PDSS2: variants seen among roughly 807,000 people sequenced by gnomAD.
The protein encoded by PDSS2 is decaprenyl diphosphate synthase subunit 2, also known as all trans-polyprenyl-diphosphate synthase PDSS2.
Under a neutral mutation model 44.5 loss-of-function variants are expected in PDSS2, and 31 were observed. The ratio of observed to expected loss-of-function variants is 0.70; its 90% CI spans 0.52 to 0.94. The LOEUF is 0.94. Ranked by LOEUF, PDSS2 falls within the 40% of genes least tolerant of loss-of-function variation. The pLI, the probability that PDSS2 is intolerant of heterozygous loss-of-function variation, is 0.00. For missense variants in PDSS2, 452 were observed against 482.2 expected (o/e 0.94, Z 0.59); for synonymous variants, 157 against 180.3 (o/e 0.87, Z 1.03).
chr6:107,217,042 C>T (rs373485405), intron 4 of PDSS2, among the ~76,000 whole-genome samples: 10 of 152,100 alleles, frequency 6.6e-5, no homozygotes, highest in African/African-American at 1.7e-4. Context: ...AGCTGCATTT[C>T]GTACTATTTA....
At chr6:107,279,754 C>CT (rs1477735917) in intron 2 of PDSS2, among the ~76,000 whole-genome samples, 2 of 152,262 alleles carry the variant, frequency 1.3e-5, no homozygotes, top group South Asian at 4.1e-4. Flanking sequence ...AGTGAAATGA[C>CT]TGGTCGTCTT....
In PDSS2 at chr6:107,230,631, C is replaced by T. The variant is rs531890024; in HGVS notation, c.702+14917G>A. The stretch of plus-strand genomic sequence containing the variant: ...CTAGGTTGGCTGGAGAGGCTCTGCT[C>T]CAAGGGTCTCTCACTCTTCCTGGAC... On this transcript the variant is annotated intron_variant, in intron 4 of 7. Transcript: ENST00000369037. Among the ~76,000 whole-genome samples the T allele has an allele frequency of 3.3e-4, 50 of 152,060 alleles. No individual in the cohort carries two copies. In the South Asian group the frequency reaches 1.0e-2, roughly 30 times the overall value.
rs372585824 is a variant in PDSS2 at position 107,154,752 on chromosome 6, T to G, written c.1067A>C (p.Lys356Thr). The change falls in exon 8 of 8, where the codon AAA (lysine) becomes ACA (threonine). Residue 356 changes from lysine to threonine, a missense_variant. Lys to Thr is a moderately conservative substitution (Grantham distance 78, BLOSUM62 -1). Coordinates refer to ENST00000369037, the MANE Select transcript of PDSS2 (RefSeq NM_020381.4). Reference sequence around the variant, plus strand: ...CAGGTCAATAGCTGAAGTCACACCTTTGCCAGCTTTGATTCTTTCTCGCAA... The same window carrying G: ...CAGGTCAATAGCTGAAGTCACACCTGTGCCAGCTTTGATTCTTTCTCGCAA... ...AKLRERIKAG[K>T]GVTSAIDLCR... 1.2e-5 allele frequency: 19 copies of G among 1,614,084 alleles called. No individual in the cohort carries two copies. The highest frequency in any genetic ancestry group is 1.5e-5 in the Non-Finnish European group (18 of 1,180,036).
chr6:107,457,704 A>T (rs939116251), intron 1 of PDSS2, among the ~76,000 whole-genome samples: 7 of 152,216 alleles, frequency 4.6e-5, no homozygotes, highest in Non-Finnish European at 8.8e-5. Flanking sequence ...AAGAAGATGA[A>T]AGAGATATAA....
intron 3 of PDSS2, among the ~76,000 whole-genome samples, chr6:107,272,056 C>T (rs1212113227): frequency 8.0e-6 from 1 of 125,300 alleles, no homozygotes; most frequent in South Asian, 2.4e-4. Context: ...GACCCTGTCT[C>T]AAAAAAGAAA....
intron 2 of PDSS2, among the ~76,000 whole-genome samples, chr6:107,289,957 A>T (rs2430475): frequency 0.68 from 102,947 of 150,944 alleles, 37,391 homozygotes; most frequent in Non-Finnish European, 0.8. Flanking sequence ...ATTTTTTTTT[A>T]AAAAATGTTT....
chr6:107,286,948 G>A (rs1165600992), intron 2 of PDSS2, among the ~76,000 whole-genome samples: 1 of 152,156 alleles, frequency 6.6e-6, no homozygotes, highest in African/African-American at 2.4e-5. Context: ...GCTGAGGCAG[G>A]AGGATGGCTT....
intron 1 of PDSS2, among the ~76,000 whole-genome samples, chr6:107,383,037 C>T (rs1779500223): frequency 6.6e-6 from 1 of 151,774 alleles, no homozygotes. Flanking sequence ...TGCAGTGGCT[C>T]ACATCTGTAA....
chr6:107,359,007 CTTTTTTTTTTTT>C (rs59632305), intron 1 of PDSS2, among the ~76,000 whole-genome samples: 1 of 93,056 alleles, frequency 1.1e-5, no homozygotes, highest in Non-Finnish European at 2.0e-5. Context: ...CATTCTCGCT[CTTTTTTTTTTTT>C]TTTTTTTTTG....
intron 1 of PDSS2, among the ~76,000 whole-genome samples, chr6:107,389,842 C>G (rs936320115): frequency 6.6e-6 from 1 of 151,882 alleles, no homozygotes; most frequent in Non-Finnish European, 1.5e-5. Context: ...CAAAAAAAAC[C>G]ATAGCTCCTT....
chr6:107,347,270 T>C (rs1778280014), intron 1 of PDSS2, among the ~76,000 whole-genome samples: 1 of 145,026 alleles, frequency 6.9e-6, no homozygotes, highest in Admixed American at 6.8e-5. Context: ...TTTTTTTTTT[T>C]TTTTTTTTTT....
At chr6:107,425,538 A>C (rs890191183) in intron 1 of PDSS2, among the ~76,000 whole-genome samples, 3 of 152,206 alleles carry the variant, frequency 2.0e-5, no homozygotes, top group African/African-American at 7.2e-5. Context: ...GAGAGAGATG[A>C]TTTAGGGTAT....
chr6:107,406,448 G>A lies in PDSS2; in HGVS notation c.296+52542C>T, dbSNP rs529705690. Among the ~76,000 whole-genome samples, 35 of 152,158 alleles carry A rather than the reference G, an allele frequency of 2.3e-4. No individual in the cohort carries two copies. The East Asian group carries it at 2.9e-3, about 13-fold the overall frequency. On this transcript the variant is annotated intron_variant, in intron 1 of 7. Transcript: ENST00000369037. ...AAACCTTTTTATAGTCTAAATCATG[G>A]TAAGATCATCTTTACCAAGCACTTT...
At chr6:107,395,622 C>T (rs1434786240) in intron 1 of PDSS2, among the ~76,000 whole-genome samples, 3 of 151,764 alleles carry the variant, frequency 2.0e-5, no homozygotes, top group Non-Finnish European at 4.4e-5. Context: ...TTATATTTTC[C>T]ATTTCTCTAC....
chr6:107,306,308 A>G (rs367755880), intron 2 of PDSS2, among the ~76,000 whole-genome samples: 1 of 152,146 alleles, frequency 6.6e-6, no homozygotes, highest in African/African-American at 2.4e-5. Flanking sequence ...GTGATAGTGA[A>G]TAAGTCTCAT....
Position 107,237,454 on chromosome 6 carries a change from G to A in PDSS2, c.702+8094C>T, listed in dbSNP as rs933844310. ...GACGGGGTTTCACCATGTTGGTCAG[G>A]ATGGTTTCGAACTCCTGACCTCAGG... On this transcript the variant is annotated intron_variant, in intron 4 of 7. Transcript: ENST00000369037. Among the ~76,000 whole-genome samples the A allele has an allele frequency of 2.6e-5, 4 of 151,926 alleles. No homozygotes were observed. The South Asian group carries it at 6.3e-4, about 24-fold the overall frequency.
chr6:107,163,623 G>A (rs1303228060), intron 7 of PDSS2, among the ~76,000 whole-genome samples: 1 of 149,494 alleles, frequency 6.7e-6, no homozygotes, highest in African/African-American at 2.5e-5. Flanking sequence ...TCTTTTTTGA[G>A]ACGGAGTCTT....
At chr6:107,316,111 T>G (rs1233532939) in intron 2 of PDSS2, among the ~76,000 whole-genome samples, 1 of 152,192 alleles carries the variant, frequency 6.6e-6, no homozygotes, top group African/African-American at 2.4e-5. Context: ...AATTTCAGAG[T>G]GGATGAATGT....
At chr6:107,205,688 TG>T (rs1349499576) in intron 6 of PDSS2, among the ~76,000 whole-genome samples, 11 of 152,152 alleles carry the variant, frequency 7.2e-5, no homozygotes, top group Non-Finnish European at 2.9e-5. Flanking sequence ...TGAAAGAGTG[TG>T]GTTGTGTGCG....
Sources: allele counts gnomAD v4.1 joint callset (sites outside exome capture counted in the v4.1 genomes callset), GRCh38; gene constraint gnomAD v4.1.1; transcripts MANE v1.5; gene names NCBI Gene and HGNC (gene_info 2026-07-23, HGNC 2026-07-21).